Variants in SPPL2A observed in about 807,000 individuals in gnomAD.
SPPL2A encodes the protein signal peptide peptidase like 2A, also known as signal peptide peptidase-like 2A.
A neutral mutation model predicts 63.8 loss-of-function variants in SPPL2A; 51 were observed. The ratio of observed to expected loss-of-function variants is 0.80; its 90% CI spans 0.64 to 1.01. SPPL2A has a LOEUF of 1.01. Among genes scored for constraint, SPPL2A ranks in the 50% least tolerant of loss-of-function variants. The probability of loss-of-function intolerance (pLI) is 0.00; values close to 1 mark genes in which losing one functional copy is unlikely to be tolerated. For synonymous variants in SPPL2A, 188 were observed against 205.8 expected (o/e 0.91, Z 0.74); for missense variants, 553 against 622.7 (o/e 0.89, Z 1.19).
At chr15:50,710,684 T>A (rs969759316) in intron 14 of SPPL2A, among the ~76,000 whole-genome samples, 1 of 152,210 alleles carries the variant, frequency 6.6e-6, no homozygotes, top group Non-Finnish European at 1.5e-5. Flanking sequence ...AATAGTCTAA[T>A]AAAACACTCA....
Position 50,703,352 on chromosome 15 carries a change from ATATATTTTTTTTTTTTTT to A in SPPL2A, c.*4430_*4447del, listed in dbSNP as rs2062489835. On this transcript the variant is annotated 3_prime_UTR_variant, in exon 15 of 15. Transcript: ENST00000261854. ...TATATATATATATATATATACATATATATATTTTTTTTTTTTTTTTTTTTTTTTGAGATGGAGTCTCGC... is the reference window on the plus strand; with the variant it reads ...TATATATATATATATATATACATATATTTTTTTTTTGAGATGGAGTCTCGC... The A allele has an allele frequency of 1.6e-5, 1 of 63,388 alleles. No homozygotes were observed. Among genetic ancestry groups the A allele is most frequent in the African/African-American group, 6.3e-5 (1 of 15,836 alleles). The allele number at this position is 63,388 out of a possible 1,614,324, so 3.9% of individuals were successfully genotyped here. A position where few individuals can be genotyped will look rare whatever the true frequency, so the allele number is the denominator to read the frequency against.
chr15:50,761,246 GCAATCCTC>G (rs2063008959), intron 1 of SPPL2A, among the ~76,000 whole-genome samples: 1 of 152,070 alleles, frequency 6.6e-6, no homozygotes, highest in South Asian at 2.1e-4. Context: ...CTAGCCTCAA[GCAATCCTC>G]CAAAACAGAA....
intron 14 of SPPL2A, among the ~76,000 whole-genome samples, chr15:50,714,469 T>C (rs1241936131): frequency 6.6e-6 from 1 of 151,664 alleles, no homozygotes; most frequent in African/African-American, 2.4e-5. Flanking sequence ...CCATCTCTAC[T>C]AAAAATACAA....
chr15:50,760,663 T>A (rs2063002213), intron 1 of SPPL2A, among the ~76,000 whole-genome samples: 1 of 151,986 alleles, frequency 6.6e-6, no homozygotes, highest in African/African-American at 2.4e-5. Context: ...CAAATATCAA[T>A]ACACTGGGGG....
intron 6 of SPPL2A, among the ~76,000 whole-genome samples, chr15:50,739,172 T>TC (rs2141042747): frequency 7.2e-6 from 1 of 139,584 alleles, no homozygotes; most frequent in East Asian, 2.0e-4. Flanking sequence ...ATAACGTACT[T>TC]TTTTTTTTTT....
At chr15:50,746,308 C>T (rs958397595) in intron 5 of SPPL2A, among the ~76,000 whole-genome samples, 9 of 150,862 alleles carry the variant, frequency 6.0e-5, no homozygotes, top group East Asian at 2.0e-4. Flanking sequence ...CATGGTGGTG[C>T]GTGCCTGTAG....
intron 6 of SPPL2A, among the ~76,000 whole-genome samples, chr15:50,738,838 C>G (rs762779769): frequency 6.6e-6 from 1 of 152,250 alleles, no homozygotes; most frequent in Non-Finnish European, 1.5e-5. Flanking sequence ...AAAAAAAGAA[C>G]TAGTTACTTT....
chr15:50,725,817 A>G (rs1477699720), intron 11 of SPPL2A: 1 of 237,990 alleles, frequency 4.2e-6, no homozygotes, highest in East Asian at 9.8e-5. Context: ...GTTTCTATCT[A>G]TTTCCAAAAG....
rs1241849656 is a variant in SPPL2A at position 50,705,277 on chromosome 15, T to G, written c.*2523A>C. 6.6e-6 allele frequency: 1 copy of G among 151,362 alleles called. No individual in the cohort carries two copies. Among genetic ancestry groups the G allele is most frequent in the Non-Finnish European group, 1.5e-5 (1 of 67,898 alleles). 9.4% of individuals were successfully genotyped at this position (151,362 alleles called of 1,614,324 possible). On this transcript the variant is annotated 3_prime_UTR_variant, in exon 15 of 15. Coordinates refer to ENST00000261854, the MANE Select transcript of SPPL2A (RefSeq NM_032802.4). ...AATTGCTTGAACCAGGAGGCAGAGGTTGTAGTGAGCCAAGATCTTGCTACT... is the reference window on the plus strand; with the variant it reads ...AATTGCTTGAACCAGGAGGCAGAGGGTGTAGTGAGCCAAGATCTTGCTACT...
rs182887832 is a variant in SPPL2A at position 50,727,967 on chromosome 15, C to T, written c.1090-1590G>A. ...AGGAACTAAGATAGAAATAGGAAGA[C>T]GAAAAATTTCTTAAGCACAAAAGAA... On this transcript the variant is annotated intron_variant, in intron 10 of 14. Transcript: ENST00000261854. 5.3e-5 allele frequency among the ~76,000 whole-genome samples: 8 copies of T among 152,014 alleles called. No homozygotes were observed. The East Asian group carries it at 1.4e-3, about 26-fold the overall frequency.
intron 11 of SPPL2A, 139 bp from the exon 12 acceptor site, chr15:50,725,462 C>A: frequency 3.5e-6 from 2 of 579,054 alleles, no homozygotes; most frequent in South Asian, 4.3e-5. Context: ...CTCTGTCGCC[C>A]AAGTGGAGTG....
At chr15:50,747,097 A>G (rs1045170271) in intron 5 of SPPL2A, among the ~76,000 whole-genome samples, 10 of 152,220 alleles carry the variant, frequency 6.6e-5, no homozygotes, top group African/African-American at 2.4e-4. Flanking sequence ...TTCCTAAAGC[A>G]TTAAACAGAA....
At position 50,724,778 on chromosome 15, in the gene SPPL2A, T is replaced by C. The variant is rs554130949; in HGVS notation, c.1249+443A>G. On this transcript the variant is annotated intron_variant, in intron 12 of 14. Coordinates refer to ENST00000261854, the MANE Select transcript of SPPL2A (RefSeq NM_032802.4). ...AGTTCCACTATAAACTGTGTCTTTT[T>C]GTATTACGCAGTCCTACAAGCTGGT... is the stretch of plus-strand genomic sequence containing the variant. Among the ~76,000 whole-genome samples, 9 of 152,334 alleles carry C rather than the reference T, an allele frequency of 5.9e-5. No individual in the cohort carries two copies. The East Asian group carries it at 1.5e-3, about 26-fold the overall frequency.
intron 14 of SPPL2A, among the ~76,000 whole-genome samples, chr15:50,712,829 G>T (rs1269308032): frequency 2.6e-5 from 4 of 151,884 alleles, no homozygotes; most frequent in Non-Finnish European, 5.9e-5. Context: ...GGGATTACAG[G>T]CGCCTGCCAC....
At chr15:50,729,757 A>G (rs1464368450) in intron 10 of SPPL2A, among the ~76,000 whole-genome samples, 1 of 152,224 alleles carries the variant, frequency 6.6e-6, no homozygotes, top group African/African-American at 2.4e-5. Context: ...AATAGGGTAC[A>G]GTTTGTCTTT....
At position 50,726,495 on chromosome 15, in the gene SPPL2A, C is replaced by T. The variant is rs532345699; in HGVS notation, c.1090-118G>A. The stretch of plus-strand genomic sequence containing the variant: ...AGTTACACTGATTGAAAATGGGCTG[C>T]AGACTGCTTTTTTCCTAAAGTCTTT... On this transcript the variant is annotated intron_variant, in intron 10 of 14. Coordinates refer to ENST00000261854, the MANE Select transcript of SPPL2A (RefSeq NM_032802.4). 5.5e-6 allele frequency: 5 copies of T among 907,156 alleles called. No homozygotes were observed. In the African/African-American group the frequency reaches 8.4e-5, roughly 15 times the overall value. 56.2% of individuals were successfully genotyped at this position (907,156 alleles called of 1,614,324 possible).
At chr15:50,729,731 A>G (rs1234110743) in intron 10 of SPPL2A, among the ~76,000 whole-genome samples, 1 of 152,248 alleles carries the variant, frequency 6.6e-6, no homozygotes, top group African/African-American at 2.4e-5. Flanking sequence ...GTTACCTATT[A>G]CAATTTTAGC....
At chr15:50,745,672 T>A (rs2062852172) in intron 5 of SPPL2A, among the ~76,000 whole-genome samples, 1 of 151,710 alleles carries the variant, frequency 6.6e-6, no homozygotes, top group African/African-American at 2.4e-5. Flanking sequence ...CTCCACCTCC[T>A]GAGTAGCCTC....
chr15:50,761,848 C>A (rs532420929), intron 1 of SPPL2A, among the ~76,000 whole-genome samples: 1 of 152,006 alleles, frequency 6.6e-6, no homozygotes, highest in African/African-American at 2.4e-5. Context: ...AGGAGAATTG[C>A]TAGAACCCAG....
Sources: gnomAD v4.1 joint callset for allele counts (sites outside exome capture counted in the v4.1 genomes callset) on GRCh38, gnomAD v4.1.1 for gene constraint, MANE v1.5 for transcripts, NCBI Gene and HGNC (gene_info 2026-07-23, HGNC 2026-07-21) for gene names.